The following RABGAP1L variants were observed in gnomAD, a reference collection of about 807,000 sequenced individuals.
The protein encoded by RABGAP1L is RAB GTPase activating protein 1 like.
In RABGAP1L, 63 loss-of-function variants were observed where a neutral mutation model predicts 137.7. The ratio of observed to expected loss-of-function variants is 0.46; its 90% CI spans 0.37 to 0.56. RABGAP1L has a LOEUF of 0.56. Among genes scored for constraint, RABGAP1L ranks in the 20% least tolerant of loss-of-function variants. The probability of loss-of-function intolerance (pLI) is 0.00; values close to 1 mark genes in which losing one functional copy is unlikely to be tolerated. For missense variants in RABGAP1L, 1,095 were observed against 1,244.0 expected (o/e 0.88, Z 1.80); for synonymous variants, 431 against 433.7 (o/e 0.99, Z 0.08).
intron 12 of RABGAP1L, among the ~76,000 whole-genome samples, chr1:174,377,739 G>A (rs944124687): frequency 8.2e-5 from 12 of 146,190 alleles, no homozygotes; most frequent in South Asian, 4.4e-4. Context: ...CATTGAAAGC[G>A]TAGCATAGCA....
At chr1:174,204,929 T>G (rs1668402076) in intron 1 of RABGAP1L, among the ~76,000 whole-genome samples, 1 of 152,212 alleles carries the variant, frequency 6.6e-6, no homozygotes, top group Admixed American at 6.5e-5. Flanking sequence ...CAGCCATGCT[T>G]TCTGTACAGC....
intron 19 of RABGAP1L, among the ~76,000 whole-genome samples, chr1:174,858,276 T>C (rs1649651661): frequency 1.3e-5 from 2 of 152,282 alleles, no homozygotes; most frequent in South Asian, 4.1e-4. Context: ...CCTTGGCTTC[T>C]CAAAGTATTG....
chr1:174,292,019 T>TTTTTTA (rs372810832), intron 10 of RABGAP1L, among the ~76,000 whole-genome samples: 3 of 139,046 alleles, frequency 2.2e-5, no homozygotes, highest in African/African-American at 8.2e-5. Context: ...GATTAGATCA[T>TTTTTTA]TTATTATTAT....
intron 13 of RABGAP1L, among the ~76,000 whole-genome samples, chr1:174,441,721 C>T (rs183441226): frequency 5.9e-5 from 9 of 151,682 alleles, no homozygotes; most frequent in Non-Finnish European, 1.0e-4. Context: ...TCAACAAGAT[C>T]GAAACTCTGT....
In RABGAP1L at chr1:174,762,259, C is replaced by T. The variant is rs140397927; in HGVS notation, c.2211+9905C>T. On this transcript the variant is annotated intron_variant, in intron 18 of 25. Transcript: ENST00000681986. Reference sequence around the variant, plus strand: ...GTTTTTATGATCTGGCACAACTTACCTCTCCATCCTCAACTGCCCCTTCCC... The same window carrying T: ...GTTTTTATGATCTGGCACAACTTACTTCTCCATCCTCAACTGCCCCTTCCC... 4.1e-3 allele frequency among the ~76,000 whole-genome samples: 619 copies of T among 152,242 alleles called. 2 individuals are homozygous for T. Among genetic ancestry groups the T allele is most frequent in the Middle Eastern group, 0.01 (3 of 294 alleles).
intron 1 of RABGAP1L, among the ~76,000 whole-genome samples, chr1:174,191,567 A>C (rs1667210850): frequency 6.6e-6 from 1 of 152,232 alleles, no homozygotes; most frequent in African/African-American, 2.4e-5. Context: ...TGGGCCAATA[A>C]TGTGTACCCA....
chr1:174,613,185 TG>T (rs1191087450), intron 13 of RABGAP1L, among the ~76,000 whole-genome samples: 1 of 151,474 alleles, frequency 6.6e-6, no homozygotes, highest in Non-Finnish European at 1.5e-5. Flanking sequence ...CTTTCTCTTG[TG>T]GGCATTTAGT....
intron 17 of RABGAP1L, among the ~76,000 whole-genome samples, chr1:174,743,064 T>C (rs1213818432): frequency 6.6e-6 from 1 of 152,124 alleles, no homozygotes; most frequent in African/African-American, 2.4e-5. Context: ...AGAAAGCCAA[T>C]GACTAAGATG....
At chr1:174,581,304 C>A (rs1461553672) in intron 13 of RABGAP1L, among the ~76,000 whole-genome samples, 1 of 152,134 alleles carries the variant, frequency 6.6e-6, no homozygotes, top group African/African-American at 2.4e-5. Flanking sequence ...ATAACTCATC[C>A]ATTCATAGCA....
At position 174,351,054 on chromosome 1, in the gene RABGAP1L, T is replaced by C. The variant is rs1282603489; in HGVS notation, c.1466-19925T>C. ...AGTACAGTCCAGCTTCGGCTCCGCA[T>C]GAGAGGGAGACCGTGGGGGGAGGGG... On this transcript the variant is annotated intron_variant, in intron 11 of 25. Coordinates refer to ENST00000681986, the MANE Select transcript of RABGAP1L (RefSeq NM_001366446.1). 1.6e-3 allele frequency among the ~76,000 whole-genome samples: 124 copies of C among 76,796 alleles called. 1 individual carries two copies. Among genetic ancestry groups the C allele is most frequent in the African/African-American group, 6.2e-3 (123 of 19,854 alleles). 50.4% of individuals were successfully genotyped at this position (76,796 alleles called of 152,430 possible).
chr1:174,476,260 T>A (rs964727890), intron 13 of RABGAP1L, among the ~76,000 whole-genome samples: 1 of 152,216 alleles, frequency 6.6e-6, no homozygotes, highest in Non-Finnish European at 1.5e-5. Flanking sequence ...CTATGCTATT[T>A]TTATTTTAAT....
At chr1:174,301,007 G>A (rs1193342773) in intron 10 of RABGAP1L, among the ~76,000 whole-genome samples, 2 of 152,146 alleles carry the variant, frequency 1.3e-5, no homozygotes, top group Non-Finnish European at 2.9e-5. Context: ...GTTTTGCTGG[G>A]CCTGGGTTCA....
chr1:174,249,408 G>C (rs1487819378), intron 5 of RABGAP1L, among the ~76,000 whole-genome samples: 1 of 152,158 alleles, frequency 6.6e-6, no homozygotes, highest in African/African-American at 2.4e-5. Context: ...GTTTGTGAGA[G>C]TGTGTTGGGA....
chr1:174,977,357 G>C (rs1237361103), intron 22 of RABGAP1L, among the ~76,000 whole-genome samples: 4 of 152,090 alleles, frequency 2.6e-5, no homozygotes, highest in Non-Finnish European at 5.9e-5. Context: ...AATGGGTTTT[G>C]TTTTTTCTTT....
chr1:174,201,191 A>G (rs1320358423), intron 1 of RABGAP1L, among the ~76,000 whole-genome samples: 1 of 152,024 alleles, frequency 6.6e-6, no homozygotes, highest in Non-Finnish European at 1.5e-5. Flanking sequence ...CTTGGCCTCA[A>G]GCAGTAATCC....
At chr1:174,520,865 G>C (rs1436363496) in intron 13 of RABGAP1L, among the ~76,000 whole-genome samples, 2 of 152,116 alleles carry the variant, frequency 1.3e-5, no homozygotes, top group Non-Finnish European at 2.9e-5. Context: ...GCTGGGCATG[G>C]TGGTGCATGC....
At chr1:174,407,480 TAGCCTATTGTTGAGTGGA>T (rs1166877600) in intron 13 of RABGAP1L, among the ~76,000 whole-genome samples, 1 of 152,180 alleles carries the variant, frequency 6.6e-6, no homozygotes, top group Non-Finnish European at 1.5e-5. Context: ...TAACTATTAA[TAGCCTATTGTTGAGTGGA>T]AGCCTTACCA....
chr1:174,616,431 C>G (rs903579395), intron 13 of RABGAP1L, among the ~76,000 whole-genome samples: 3 of 152,224 alleles, frequency 2.0e-5, no homozygotes, highest in Non-Finnish European at 4.4e-5. Context: ...GCCTGCTTCT[C>G]TAATTCTGAT....
At chr1:174,524,170 A>G (rs1029234955) in intron 13 of RABGAP1L, among the ~76,000 whole-genome samples, 18 of 151,964 alleles carry the variant, frequency 1.2e-4, no homozygotes, top group Non-Finnish European at 2.5e-4. Flanking sequence ...TTGCTGAATC[A>G]TATGGTAGTT....
Sources: gnomAD v4.1 joint callset for allele counts (sites outside exome capture counted in the v4.1 genomes callset) on GRCh38, gnomAD v4.1.1 for gene constraint, MANE v1.5 for transcripts, NCBI Gene and HGNC (gene_info 2026-07-23, HGNC 2026-07-21) for gene names.